Variants in DUSP11 observed in about 807,000 individuals in gnomAD.
DUSP11 encodes dual specificity phosphatase 11.
A neutral mutation model predicts 41.4 loss-of-function variants in DUSP11; 27 were observed. That is an observed-to-expected ratio of 0.65 (90% CI 0.48 to 0.90). DUSP11 has a LOEUF of 0.90. Ranked by LOEUF, DUSP11 falls within the 40% of genes least tolerant of loss-of-function variation. DUSP11 has a pLI of 0.00. For synonymous variants in DUSP11, 188 were observed against 159.3 expected (o/e 1.18, Z -1.35); for missense variants, 465 against 461.1 (o/e 1.01, Z -0.08).
intron 5 of DUSP11, chr2:73,768,939 G>C (rs1672521981): frequency 5.8e-6 from 1 of 171,468 alleles, no homozygotes. Flanking sequence ...CTGGGTGACA[G>C]AGCAAGACTC....
At chr2:73,766,738 G>A in intron 7 of DUSP11, 90 bp downstream of exon 7, 1 of 1,365,014 alleles carries the variant, frequency 7.3e-7, no homozygotes, top group Non-Finnish European at 1.0e-6. Context: ...AAACAAACAA[G>A]CTACCAGAAG....
intron 8 of DUSP11, among the ~76,000 whole-genome samples, chr2:73,764,965 C>T (rs749946039): frequency 2.0e-5 from 3 of 151,282 alleles, no homozygotes; most frequent in Non-Finnish European, 4.4e-5. Context: ...GACTCTGTCA[C>T]CAAAAAAAAA....
intron 4 of DUSP11, among the ~76,000 whole-genome samples, chr2:73,770,143 A>C (rs1198974664): frequency 6.6e-6 from 1 of 151,142 alleles, no homozygotes; most frequent in Non-Finnish European, 1.5e-5. Context: ...AAAGTACAAA[A>C]AATTAGCTGG....
At chr2:73,763,631 G>C (rs1672403636) in intron 8 of DUSP11, among the ~76,000 whole-genome samples, 1 of 152,122 alleles carries the variant, frequency 6.6e-6, no homozygotes, top group South Asian at 2.1e-4. Context: ...GCTGAGGCAG[G>C]AGAATCATTT....
intron 1 of DUSP11, 33 bp from the exon 2 acceptor site, chr2:73,778,409 A>G (rs2103952022): frequency 7.3e-7 from 1 of 1,372,288 alleles, no homozygotes; most frequent in Non-Finnish European, 9.8e-7. Context: ...GCCAAATTGT[A>G]TGTTAGCCTT....
chr2:73,770,946 C>A (rs1672561927), intron 4 of DUSP11, among the ~76,000 whole-genome samples: 1 of 152,158 alleles, frequency 6.6e-6, no homozygotes. Context: ...GGACTTTGCA[C>A]CTGCTGTTCC....
At chr2:73,764,420 G>A (rs540952275) in intron 8 of DUSP11, among the ~76,000 whole-genome samples, 1 of 152,252 alleles carries the variant, frequency 6.6e-6, no homozygotes, top group Non-Finnish European at 1.5e-5. Context: ...GTGAGCCAAT[G>A]CACCTGGCCT....
chr2:73,766,334 C>A, intron 8 of DUSP11, 84 bp downstream of exon 8: 1 of 1,242,376 alleles, frequency 8.0e-7, no homozygotes, highest in Non-Finnish European at 1.1e-6. Flanking sequence ...CGAAGAATTC[C>A]TCATCAGTAT....
At chr2:73,773,916 G>T (rs550842018) in exon 4 of DUSP11, 2 of 1,595,462 alleles carry the variant, frequency 1.3e-6, no homozygotes, top group South Asian at 2.3e-5. Context: ...AACAGTTTCT[G>T]GCAAATCCTA....
chr2:73,777,219 T>C (rs1672705532), intron 2 of DUSP11, among the ~76,000 whole-genome samples: 1 of 152,234 alleles, frequency 6.6e-6, no homozygotes, highest in South Asian at 2.1e-4. Flanking sequence ...ACTCAAGCGA[T>C]ACACCCACCT....
At chr2:73,766,993 T>C in intron 6 of DUSP11, 90 bp from the exon 7 acceptor site, 1 of 1,285,192 alleles carries the variant, frequency 7.8e-7, no homozygotes, top group South Asian at 1.2e-5. Flanking sequence ...CTATTCAAGC[T>C]GTTATATCTC....
At position 73,766,808 on chromosome 2, in the gene DUSP11, A is replaced by T. The variant is rs1672474379; in HGVS notation, c.758+20T>A. On this transcript the variant is annotated intron_variant, in intron 7 of 8. Coordinates refer to ENST00000272444, the Ensembl canonical transcript of DUSP11. ...GATCTCCCTGACCCACAAATCTCAC[A>T]TATATAACATAAGACTTACTTTCTG... The T allele has an allele frequency of 6.3e-7, 1 of 1,579,504 alleles. No individual in the cohort carries two copies. The highest frequency in any genetic ancestry group is 1.1e-5 in the South Asian group (1 of 89,726).
chr2:73,779,277 G>A (rs894907473), intron 1 of DUSP11, among the ~76,000 whole-genome samples: 7 of 152,234 alleles, frequency 4.6e-5, no homozygotes, highest in Admixed American at 1.3e-4. Context: ...TCAAAAGATA[G>A]TAGATAAAAT....
In DUSP11 at chr2:73,767,074, C is replaced by A. The variant is rs181544719; in HGVS notation, c.682+87G>T. On this transcript the variant is annotated intron_variant, in intron 6 of 8. Transcript: ENST00000272444. ...ATTGGAACAAACGAATTACAAACTT[C>A]TTTTTTTCCAAAATTTGATAAATTC... The A allele has an allele frequency of 6.6e-4, 948 of 1,428,654 alleles. 1 individual carries two copies. Among genetic ancestry groups the A allele is most frequent in the Non-Finnish European group, 8.3e-4 (853 of 1,021,978 alleles). The allele number at this position is 1,428,654 out of a possible 1,614,324, so 88.5% of individuals were successfully genotyped here.
intron 4 of DUSP11, among the ~76,000 whole-genome samples, chr2:73,771,977 C>T (rs1303226825): frequency 2.0e-5 from 3 of 149,350 alleles, no homozygotes; most frequent in African/African-American, 7.4e-5. Flanking sequence ...CCTGCCACCA[C>T]GCCTGGCTAA....
At chr2:73,772,642 A>C (rs1182848004) in intron 4 of DUSP11, among the ~76,000 whole-genome samples, 4 of 152,232 alleles carry the variant, frequency 2.6e-5, no homozygotes, top group African/African-American at 9.6e-5. Flanking sequence ...CTGTACCCTC[A>C]TATCTTAAAA....
chr2:73,778,279 T>C, intron 2 of DUSP11, 22 bp downstream of exon 2: 1 of 1,544,486 alleles, frequency 6.5e-7, no homozygotes. Context: ...CCTGAAAGAA[T>C]ACTGAATTAA....
intron 2 of DUSP11, among the ~76,000 whole-genome samples, chr2:73,775,864 T>TAAAAAAA (rs1166863408): frequency 1.9e-5 from 1 of 52,292 alleles, no homozygotes; most frequent in African/African-American, 5.8e-5. Flanking sequence ...AAAAAAAATT[T>TAAAAAAA]AAAAAAAAAA....
At chr2:73,765,880 A>G (rs555688110) in intron 8 of DUSP11, among the ~76,000 whole-genome samples, 2 of 152,330 alleles carry the variant, frequency 1.3e-5, no homozygotes, top group East Asian at 3.9e-4. Context: ...TTAAGTTTAA[A>G]ATCAATCAAA....
Sources: gnomAD v4.1 joint callset for allele counts (sites outside exome capture counted in the v4.1 genomes callset) on GRCh38, gnomAD v4.1.1 for gene constraint, MANE v1.5 for transcripts, NCBI Gene and HGNC (gene_info 2026-07-23, HGNC 2026-07-21) for gene names.